The following PSTPIP2 variants were observed in gnomAD, a reference collection of about 807,000 sequenced individuals.
PSTPIP2 encodes proline-serine-threonine phosphatase interacting protein 2.
A neutral mutation model predicts 63.3 loss-of-function variants in PSTPIP2; 33 were observed. That is an observed-to-expected ratio of 0.52 (90% CI 0.40 to 0.70). PSTPIP2 has a LOEUF of 0.70. Ranked by LOEUF, PSTPIP2 falls within the 30% of genes least tolerant of loss-of-function variation. The probability of loss-of-function intolerance (pLI) is 0.00; values close to 1 mark genes in which losing one functional copy is unlikely to be tolerated. For missense variants in PSTPIP2, 312 were observed against 400.7 expected, an observed-to-expected ratio of 0.78 and a Z score of 1.89; for synonymous variants, 125 against 132.7, an observed-to-expected ratio of 0.94 and a Z score of 0.40.
intron 6 of PSTPIP2, among the ~76,000 whole-genome samples, chr18:46,002,275 T>A (rs905792587): frequency 2.6e-5 from 4 of 152,188 alleles, no homozygotes; most frequent in Non-Finnish European, 5.9e-5. Context: ...AATTTGGAAA[T>A]TTTTCAGCCA....
chr18:46,011,037 T>A (rs1035960517), intron 5 of PSTPIP2, 144 bp downstream of exon 5: 4 of 679,674 alleles, frequency 5.9e-6, no homozygotes, highest in Non-Finnish European at 1.0e-5. Flanking sequence ...CTGGACTGAG[T>A]CCCCATGTGG....
chr18:46,005,433 C>T (rs1420525740), intron 6 of PSTPIP2, 36 bp downstream of exon 6: 2 of 1,511,364 alleles, frequency 1.3e-6, no homozygotes, highest in Non-Finnish European at 1.8e-6. Context: ...GAAAATGTCA[C>T]CATTATCCCA....
At chr18:46,065,791 G>A (rs12966247) in intron 1 of PSTPIP2, among the ~76,000 whole-genome samples, 94,525 of 151,690 alleles carry the variant, frequency 0.62, 29,701 homozygotes, top group African/African-American at 0.7. Flanking sequence ...TAGTAGAGAC[G>A]AGATTTCACC....
chr18:46,006,227 C>T (rs1226092201), intron 5 of PSTPIP2, among the ~76,000 whole-genome samples: 1 of 151,808 alleles, frequency 6.6e-6, no homozygotes, highest in Admixed American at 6.6e-5. Flanking sequence ...CTAATTTTTG[C>T]ACTTTTAGTA....
chr18:45,986,533 A>C (rs2051468307), intron 14 of PSTPIP2, among the ~76,000 whole-genome samples: 1 of 152,246 alleles, frequency 6.6e-6, no homozygotes, highest in African/African-American at 2.4e-5. Flanking sequence ...ACAGTGCTCC[A>C]GAGAGCAGGT....
chr18:46,005,676 A>T (rs1019441096), intron 5 of PSTPIP2, 145 bp from the exon 6 acceptor site: 3 of 692,066 alleles, frequency 4.3e-6, no homozygotes, highest in Non-Finnish European at 7.1e-6. Flanking sequence ...AAAGAGACCA[A>T]ACAATTTGCC....
chr18:46,047,190 G>C (rs947658618), intron 1 of PSTPIP2, among the ~76,000 whole-genome samples: 1 of 152,168 alleles, frequency 6.6e-6, no homozygotes, highest in African/African-American at 2.4e-5. Context: ...TGTCAACCTT[G>C]ATCTTTCTTT....
At chr18:46,030,773 T>C (rs1324845794) in intron 2 of PSTPIP2, among the ~76,000 whole-genome samples, 4 of 152,250 alleles carry the variant, frequency 2.6e-5, no homozygotes, top group Non-Finnish European at 5.9e-5. Context: ...GTGGACTTTA[T>C]ATTGGACTGA....
intron 9 of PSTPIP2, among the ~76,000 whole-genome samples, chr18:45,996,461 G>A (rs886721955): frequency 3.3e-5 from 5 of 152,142 alleles, no homozygotes; most frequent in African/African-American, 7.2e-5. Flanking sequence ...GATGCTACCA[G>A]TCCTAGGACC....
At chr18:46,011,469 A>T (rs2051795915) in intron 4 of PSTPIP2, among the ~76,000 whole-genome samples, 182 bp from the exon 5 acceptor site, 1 of 152,224 alleles carries the variant, frequency 6.6e-6, no homozygotes, top group Non-Finnish European at 1.5e-5. Flanking sequence ...CCTGGCCACC[A>T]GGATCAAAGC....
At chr18:45,992,085 C>T (rs1412647453) in intron 11 of PSTPIP2, 21 bp downstream of exon 11, 4 of 1,600,328 alleles carry the variant, frequency 2.5e-6, no homozygotes, top group Admixed American at 1.7e-5. Flanking sequence ...ATAACACTCC[C>T]CACCCCACTG....
Position 46,032,754 on chromosome 18 carries a change from CAAAAAAAAAAAA to C in PSTPIP2, c.134+7181_134+7192del, listed in dbSNP as rs762015034. 4.3e-3 allele frequency among the ~76,000 whole-genome samples: 217 copies of C among 50,196 alleles called. 2 individuals are homozygous for C. The highest frequency in any genetic ancestry group is 0.016 in the Middle Eastern group (1 of 64). The allele number at this position is 50,196 out of a possible 152,430, so 32.9% of individuals were successfully genotyped here. A position where few individuals can be genotyped will look rare whatever the true frequency, so the allele number is the denominator to read the frequency against. The stretch of plus-strand genomic sequence containing the variant: ...AGGCAATAAGAGCAAAACTCTGTGT[CAAAAAAAAAAAA>C]AAAAAAAAAGGAAAAGAAAAAAGAA... On this transcript the variant is annotated intron_variant, in intron 2 of 14. Transcript: ENST00000409746.
At chr18:46,007,167 T>C (rs1195424487) in intron 5 of PSTPIP2, among the ~76,000 whole-genome samples, 1 of 152,236 alleles carries the variant, frequency 6.6e-6, no homozygotes, top group Non-Finnish European at 1.5e-5. Context: ...CAGAGAAAAC[T>C]TAAGTTTTTG....
intron 1 of PSTPIP2, among the ~76,000 whole-genome samples, chr18:46,047,761 A>G (rs1365229926): frequency 2.0e-5 from 3 of 152,236 alleles, no homozygotes; most frequent in Non-Finnish European, 4.4e-5. Flanking sequence ...TTGGGAAAAA[A>G]TTTTAATCAC....
intron 14 of PSTPIP2, 60 bp from the exon 15 acceptor site, chr18:45,985,510 C>A: frequency 6.5e-7 from 1 of 1,539,218 alleles, no homozygotes. Flanking sequence ...ATACTCTCTC[C>A]TACCTTGAGA....
chr18:46,045,694 A>T (rs1048925132), intron 1 of PSTPIP2, among the ~76,000 whole-genome samples: 2 of 143,444 alleles, frequency 1.4e-5, no homozygotes, highest in Non-Finnish European at 3.1e-5. Flanking sequence ...TAAATAAATA[A>T]ATAATTACCA....
At chr18:46,042,443 CA>C (rs1908227715) in intron 1 of PSTPIP2, among the ~76,000 whole-genome samples, 1 of 152,142 alleles carries the variant, frequency 6.6e-6, no homozygotes, top group Non-Finnish European at 1.5e-5. Flanking sequence ...TCTAGGTTCT[CA>C]GAGTCCCCAG....
At chr18:45,989,896 C>T (rs1485204258) in intron 13 of PSTPIP2, 1 of 152,488 alleles carries the variant, frequency 6.6e-6, no homozygotes, top group Non-Finnish European at 1.5e-5. Flanking sequence ...CGAATCAACC[C>T]TAGCAATCAA....
At chr18:46,021,029 G>C (rs1290146520) in intron 3 of PSTPIP2, among the ~76,000 whole-genome samples, 2 of 152,156 alleles carry the variant, frequency 1.3e-5, no homozygotes, top group Non-Finnish European at 2.9e-5. Flanking sequence ...ATTGCCAATG[G>C]CTTATGCTTT....
Sources: gnomAD v4.1 joint callset for allele counts (sites outside exome capture counted in the v4.1 genomes callset) on GRCh38, gnomAD v4.1.1 for gene constraint, MANE v1.5 for transcripts, NCBI Gene and HGNC (gene_info 2026-07-23, HGNC 2026-07-21) for gene names.